SAMD9L: variants seen among roughly 807,000 people sequenced by gnomAD.
SAMD9L encodes the protein sterile alpha motif domain containing 9 like, also known as sterile alpha motif domain-containing protein 9-like.
In SAMD9L, 68 loss-of-function variants were observed where a neutral mutation model predicts 90.7. The observed-to-expected ratio is 0.75, with a 90% CI of 0.62 to 0.92. The LOEUF (loss-of-function observed/expected upper bound fraction) is 0.92. SAMD9L is among the 40% of genes least tolerant of loss of function. SAMD9L has a pLI of 0.00. For missense variants in SAMD9L, 1,604 were observed against 1,824.3 expected, an observed-to-expected ratio of 0.88 and a Z score of 2.20; for synonymous variants, 640 against 630.1, an observed-to-expected ratio of 1.02 and a Z score of -0.23.
intron 4 of SAMD9L, among the ~76,000 whole-genome samples, chr7:93,137,926 T>C (rs1792522617): frequency 6.6e-6 from 1 of 152,074 alleles, no homozygotes; most frequent in South Asian, 2.1e-4. Flanking sequence ...AGAGGAAACT[T>C]GCACTACACA....
chr7:93,132,815 T>C lies in SAMD9L; in HGVS notation c.3157A>G (p.Thr1053Ala). 1 of 1,613,618 alleles carries C rather than the reference T, an allele frequency of 6.2e-7. No individual in the cohort carries two copies. The highest frequency in any genetic ancestry group is 1.1e-5 in the South Asian group (1 of 91,058). Reference sequence around the variant, plus strand: ...GCTTCCATTAATGGGGAAAACAGAGTGTCTGTTTCATCTCCATACACCTTG... The same window carrying C: ...GCTTCCATTAATGGGGAAAACAGAGCGTCTGTTTCATCTCCATACACCTTG... ...QRKVYGDETD[T>A]LFSPLMEALQ... Residue 1053 changes from threonine (T) to alanine (A), a missense_variant, in exon 5 of 5, where the codon ACT (threonine) becomes GCT (alanine). Around this residue, in one of 7 missense-constraint regions of SAMD9L, gnomAD observed 302 missense variants for 314.7 expected, o/e 0.96. Transcript: ENST00000318238.
intron 4 of SAMD9L, among the ~76,000 whole-genome samples, chr7:93,143,446 A>T (rs753178039): frequency 1.3e-5 from 2 of 152,014 alleles, no homozygotes. Context: ...TCACTCTTTT[A>T]TTCTCCTAAA....
chr7:93,137,762 A>G (rs1257205168), intron 4 of SAMD9L, among the ~76,000 whole-genome samples: 2 of 137,814 alleles, frequency 1.5e-5, no homozygotes, highest in Non-Finnish European at 3.1e-5. Flanking sequence ...TTTTTAATTT[A>G]ATGTACATCC....
At position 93,131,993 on chromosome 7, in the gene SAMD9L, T is replaced by C; in HGVS notation, c.3979A>G (p.Asn1327Asp). 1 of 1,611,906 alleles carries C rather than the reference T, an allele frequency of 6.2e-7. No homozygotes were observed. Among genetic ancestry groups the C allele is most frequent in the Non-Finnish European group, 8.5e-7 (1 of 1,179,396 alleles). The change falls in exon 5 of 5, where the codon AAT becomes GAT. Residue 1327 changes from asparagine to aspartate, a missense_variant. Around this residue, in one of 7 missense-constraint regions of SAMD9L, gnomAD observed 282 missense variants for 329.6 expected, o/e 0.86. Transcript: ENST00000318238. ...SKESQLLQEE[N>D]CRKKLEALRA... ...AGAGCTTCTAGCTTTTTCCTGCAAT[T>C]CTCCTCCTGGAGTAATTGACTCTCT...
rs1270173961 is a variant in SAMD9L, at chr7:93,135,032, A to T, written c.940T>A (p.Ser314Thr). The change falls in exon 5 of 5, where the codon TCT becomes ACT. Residue 314 changes from serine (S) to threonine (T), a missense_variant. Around this residue, in one of 7 missense-constraint regions of SAMD9L, gnomAD observed 374 missense variants for 363.6 expected, o/e 1.03. Coordinates refer to ENST00000318238, the MANE Select transcript of SAMD9L (RefSeq NM_152703.5). ...TAGAAATACTTATCATTACATATAG[A>T]GTGTTTTGGAATAGTATCAACTTCA... ...VIEVDTIPKH[S>T]ICNDKYFYIQ... 1 of 1,612,058 alleles carries T rather than the reference A, an allele frequency of 6.2e-7. No homozygotes were observed.
chr7:93,140,198 G>T (rs1239119522), intron 4 of SAMD9L, among the ~76,000 whole-genome samples: 1 of 150,636 alleles, frequency 6.6e-6, no homozygotes, highest in African/African-American at 2.4e-5. Flanking sequence ...CTGGAACATG[G>T]TTGGACAATG....
In SAMD9L at chr7:93,131,371, A is replaced by G; in HGVS notation, c.4601T>C (p.Ile1534Thr). ...RLTGQAEGKL[I>T]SVEYGTEEKI... ...TTCCTCTGTTCCATATTCTACAGAG[A>G]TTAGCTTGCCTTCAGCCTGACCAGT... The change falls in exon 5 of 5, where the codon ATC (isoleucine) becomes ACC (threonine). Residue 1534 changes from isoleucine (I) to threonine (T), a missense_variant. This residue lies in a region of SAMD9L where 282 missense variants were observed against 329.6 expected (regional missense o/e 0.86). Coordinates refer to ENST00000318238, the MANE Select transcript of SAMD9L (RefSeq NM_152703.5). 2 of 1,613,666 alleles carry G rather than the reference A, an allele frequency of 1.2e-6. No individual in the cohort carries two copies. The highest frequency in any genetic ancestry group is 1.7e-6 in the Non-Finnish European group (2 of 1,179,820).
Position 93,134,392 on chromosome 7 carries a change from T to C in SAMD9L, c.1580A>G (p.Lys527Arg). 6.2e-7 allele frequency: 1 copy of C among 1,612,578 alleles called. No individual in the cohort carries two copies. The highest frequency in any genetic ancestry group is 8.5e-7 in the Non-Finnish European group (1 of 1,179,660). Residue 527 changes from lysine (K) to arginine (R), a missense_variant, in exon 5 of 5, where the codon AAA becomes AGA. Around this residue, in one of 7 missense-constraint regions of SAMD9L, gnomAD observed 606 missense variants for 717.6 expected, o/e 0.84. Coordinates refer to ENST00000318238, the MANE Select transcript of SAMD9L (RefSeq NM_152703.5). ...TTCATCTGTGAGAAATAAAATTAGT[T>C]TCCTGACTTCTGAAGCTCTTTCTCT... ...WQRERASEVR[K>R]LILFLTDENI...
At position 93,130,392 on chromosome 7, in the gene SAMD9L, A is replaced by G. The variant is rs1792034570; in HGVS notation, c.*825T>C. 6.6e-6 allele frequency: 1 copy of G among 152,218 alleles called. No homozygotes were observed. Among genetic ancestry groups the G allele is most frequent in the Admixed American group, 6.5e-5 (1 of 15,268 alleles). The allele number at this position is 152,218 out of a possible 1,614,324, so 9.4% of individuals were successfully genotyped here. On this transcript the variant is annotated 3_prime_UTR_variant, in exon 5 of 5. Transcript: ENST00000318238. ...TAGATGGAAATAAGGCAATCTCAACAGAGAGAACAGCATGTATATAGCACA... is the reference window on the plus strand; with the variant it reads ...TAGATGGAAATAAGGCAATCTCAACGGAGAGAACAGCATGTATATAGCACA...
At position 93,131,623 on chromosome 7, in the gene SAMD9L, T is replaced by C. The variant is rs1245188338; in HGVS notation, c.4349A>G (p.Lys1450Arg). The part of the protein sequence containing the change: ...ELDQDSKLIE[K>R]YVSSLNRSFR... The stretch of plus-strand genomic sequence containing the variant: ...GGATCTATTTAAGGATGAAACATAC[T>C]TTTCTATTAGTTTGGAATCTTGATC... Residue 1450 changes from lysine (K) to arginine (R), a missense_variant, in exon 5 of 5, where the codon AAG becomes AGG. By Grantham distance (26) the Lys-to-Arg change is conservative. This residue lies in a region of SAMD9L where 282 missense variants were observed against 329.6 expected (regional missense o/e 0.86). Coordinates refer to ENST00000318238, the MANE Select transcript of SAMD9L (RefSeq NM_152703.5). 5 of 1,613,898 alleles carry C rather than the reference T, an allele frequency of 3.1e-6. No homozygotes were observed. In the South Asian group the frequency reaches 5.5e-5, roughly 18 times the overall value.
rs1792282299 is a variant in SAMD9L, at chr7:93,133,967, T to C, written c.2005A>G (p.Ile669Val). ...LCENECTETDIEKDKSKFLEF... is the reference protein window; with the variant it reads ...LCENECTETDVEKDKSKFLEF... Reference sequence around the variant, plus strand: ...AGGAATTTAGATTTGTCTTTCTCGATGTCTGTCTCTGTACACTCATTTTCA... The same window carrying C: ...AGGAATTTAGATTTGTCTTTCTCGACGTCTGTCTCTGTACACTCATTTTCA... Residue 669 changes from isoleucine (I) to valine (V), a missense_variant, in exon 5 of 5, where the codon ATC (isoleucine) becomes GTC (valine). Around this residue, in one of 7 missense-constraint regions of SAMD9L, gnomAD observed 606 missense variants for 717.6 expected, o/e 0.84. Coordinates refer to ENST00000318238, the MANE Select transcript of SAMD9L (RefSeq NM_152703.5). The C allele has an allele frequency of 6.2e-7, 1 of 1,613,848 alleles. No homozygotes were observed. Among genetic ancestry groups the C allele is most frequent in the South Asian group, 1.1e-5 (1 of 91,068 alleles).
chr7:93,136,054 A>T, intron 4 of SAMD9L, 63 bp from the exon 5 acceptor site: 1 of 1,074,906 alleles, frequency 9.3e-7, no homozygotes, highest in Non-Finnish European at 1.3e-6. Context: ...TCACATAGAC[A>T]ATTATGTATA....
In SAMD9L at chr7:93,133,450, C is replaced by T. The variant is rs990853645; in HGVS notation, c.2522G>A (p.Arg841Lys). The change falls in exon 5 of 5, where the codon AGA becomes AAA. Residue 841 changes from arginine (R) to lysine (K), a missense_variant. Physicochemically the swap from Arg to Lys is conservative, Grantham distance 26. This residue lies in a region of SAMD9L where 606 missense variants were observed against 717.6 expected (regional missense o/e 0.84). Coordinates refer to ENST00000318238, the MANE Select transcript of SAMD9L (RefSeq NM_152703.5). ...TGCACTTTCATCTGGATTCCGGGATCTCATGCAGTTTAAGATAATTACCAA... is the reference window on the plus strand; with the variant it reads ...TGCACTTTCATCTGGATTCCGGGATTTCATGCAGTTTAAGATAATTACCAA... ...KTLVIILNCM[R>K]SRNPDESAKL... is the part of the protein sequence containing the mutation. The T allele has an allele frequency of 1.2e-6, 2 of 1,613,144 alleles. No homozygotes were observed. The highest frequency in any genetic ancestry group is 1.7e-5 in the Admixed American group (1 of 59,962).
intron 1 of SAMD9L, among the ~76,000 whole-genome samples, chr7:93,147,360 T>C (rs1235617412): frequency 6.6e-6 from 1 of 152,208 alleles, no homozygotes; most frequent in African/African-American, 2.4e-5. Context: ...ATATTATCTT[T>C]AGCAACGTTG....
In SAMD9L at chr7:93,135,121, A is replaced by T. The variant is rs899191781; in HGVS notation, c.851T>A (p.Ile284Asn). The T allele has an allele frequency of 1.2e-6, 2 of 1,612,536 alleles. No individual in the cohort carries two copies. Among genetic ancestry groups the T allele is most frequent in the Non-Finnish European group, 1.7e-6 (2 of 1,179,918 alleles). Reference sequence around the variant, plus strand: ...GACTTCCACAAACCTTGGCTCCCGAATACACTTCTTGGCTTCATTGATCTC... The same window carrying T: ...GACTTCCACAAACCTTGGCTCCCGATTACACTTCTTGGCTTCATTGATCTC... Reference protein sequence around the residue: ...ESEINEAKKCIREPRFVEVLL... With the variant: ...ESEINEAKKCNREPRFVEVLL... The change falls in exon 5 of 5, where the codon ATT becomes AAT. Residue 284 changes from isoleucine to asparagine, a missense_variant. Ile to Asn is a moderately radical substitution (Grantham distance 149). Transcript: ENST00000318238.
In SAMD9L at chr7:93,134,589, T is replaced by C; in HGVS notation, c.1383A>G (p.Glu461=). 1.2e-6 allele frequency: 2 copies of C among 1,613,996 alleles called. No individual in the cohort carries two copies. The highest frequency in any genetic ancestry group is 1.7e-6 in the Non-Finnish European group (2 of 1,179,910). ...GAAAGTGAAGGTTTGCCACCCGACT[T>C]TCTTTGTAAGCTTTGACCACTCCAT... is the stretch of plus-strand genomic sequence containing the variant. ...MINGVVKAYK[E]SRVANLHFPN... is the part of the protein sequence containing the mutation. Residue 461 remains glutamate, a synonymous_variant, in exon 5 of 5, where the codon GAA becomes GAG. Coordinates refer to ENST00000318238, the MANE Select transcript of SAMD9L (RefSeq NM_152703.5).
In SAMD9L at chr7:93,145,611, A is replaced by C. The variant is rs1435989686; in HGVS notation, c.-349T>G. 1 of 152,200 alleles carries C rather than the reference A, an allele frequency of 6.6e-6. No homozygotes were observed. Among genetic ancestry groups the C allele is most frequent in the Non-Finnish European group, 1.5e-5 (1 of 68,036 alleles). The allele number at this position is 152,200 out of a possible 1,614,324, so 9.4% of individuals were successfully genotyped here. A position where few individuals can be genotyped will look rare whatever the true frequency, so the allele number is the denominator to read the frequency against. ...TGAGAACGTATTGCATAAAACAATG[A>C]TATCACAACCAATTAAAATGCAATA... On this transcript the variant is annotated 5_prime_UTR_variant, in exon 3 of 5. Transcript: ENST00000318238.
Position 93,134,626 on chromosome 7 carries a change from T to G in SAMD9L, c.1346A>C (p.Glu449Ala). The change falls in exon 5 of 5, where the codon GAA becomes GCA. Residue 449 changes from glutamate (E) to alanine (A), a missense_variant. By Grantham distance (107) the Glu-to-Ala change is moderately radical (BLOSUM62 -1). Transcript: ENST00000318238. ...TTTGACCACTCCATTGATCATAGAT[T>G]CAGGATCAAACTCCAACACAGCAAA... ...KWFAVLEFDP[E>A]SMINGVVKAY... The G allele has an allele frequency of 6.2e-7, 1 of 1,614,012 alleles. No homozygotes were observed. The highest frequency in any genetic ancestry group is 8.5e-7 in the Non-Finnish European group (1 of 1,179,928).
chr7:93,146,854 A>C (rs1792910600), intron 2 of SAMD9L, 29 bp downstream of exon 2: 1 of 152,178 alleles, frequency 6.6e-6, no homozygotes, highest in Admixed American at 6.5e-5. Context: ...CAGTTTTTGT[A>C]GATACCCTAG....
Sources: allele counts gnomAD v4.1 joint callset (sites outside exome capture counted in the v4.1 genomes callset), GRCh38; gene constraint gnomAD v4.1.1; regional missense constraint gnomAD v4.1.1; transcripts MANE v1.5; gene names NCBI Gene and HGNC (gene_info 2026-07-23, HGNC 2026-07-21).